Variants in UBAC2 observed in about 807,000 individuals in gnomAD.
UBAC2 encodes the protein UBA domain containing 2.
Under a neutral mutation model 44.0 loss-of-function variants are expected in UBAC2, and 26 were observed. The ratio of observed to expected loss-of-function variants is 0.59; its 90% confidence interval spans 0.43 to 0.82. The LOEUF (loss-of-function observed/expected upper bound fraction) is 0.82, where lower values mean the gene tolerates loss of function less well. UBAC2 is among the 40% of genes least tolerant of loss of function. UBAC2 has a pLI of 0.00. For missense variants in UBAC2, 329 were observed against 419.4 expected, an observed-to-expected ratio of 0.78 and a Z score of 1.88; for synonymous variants, 155 against 154.3, an observed-to-expected ratio of 1.00 and a Z score of -0.04.
chr13:99,305,769 GGTTTTATGTCCAAAAA>G lies in UBAC2; in HGVS notation c.390-8325_390-8310del, dbSNP rs1043105638. 5.4e-4 allele frequency among the ~76,000 whole-genome samples: 82 copies of G among 152,236 alleles called. 1 individual carries two copies. The highest frequency in any genetic ancestry group is 1.9e-3 in the African/African-American group (80 of 41,542). ...TTTTGTGGAGTAGCATATTCTTTGTGGTTTTATGTCCAAAAAGTGCAGTGAACCCGCAGAGAGAAAA... is the reference window on the plus strand; with the variant it reads ...TTTTGTGGAGTAGCATATTCTTTGTGGTGCAGTGAACCCGCAGAGAGAAAA... On this transcript the variant is annotated intron_variant, in intron 4 of 8. Transcript: ENST00000403766.
intron 4 of UBAC2, among the ~76,000 whole-genome samples, chr13:99,287,769 G>A (rs1394711047): frequency 6.6e-6 from 1 of 151,100 alleles, no homozygotes; most frequent in Non-Finnish European, 1.5e-5. Context: ...ATAGGCGTGA[G>A]CCACCACGTG....
chr13:99,321,597 C>T (rs1489492787), intron 6 of UBAC2, among the ~76,000 whole-genome samples: 1 of 152,208 alleles, frequency 6.6e-6, no homozygotes, highest in East Asian at 1.9e-4. Flanking sequence ...GCCACCGTGT[C>T]TGGCCTAGGC....
intron 4 of UBAC2, among the ~76,000 whole-genome samples, chr13:99,287,944 T>C (rs1198922281): frequency 1.3e-5 from 2 of 152,208 alleles, no homozygotes; most frequent in Non-Finnish European, 2.9e-5. Context: ...TGCTAAAACA[T>C]ACTGTTTGCA....
intron 5 of UBAC2, among the ~76,000 whole-genome samples, chr13:99,316,339 T>C (rs1177346378): frequency 6.6e-6 from 1 of 152,044 alleles, no homozygotes; most frequent in Non-Finnish European, 1.5e-5. Context: ...CTCCCTCCCC[T>C]CCAAGCCTTT....
chr13:99,338,032 T>TTTTTTC (rs2044817238), intron 6 of UBAC2, among the ~76,000 whole-genome samples: 2 of 42,310 alleles, frequency 4.7e-5, no homozygotes, highest in African/African-American at 1.3e-4. Flanking sequence ...ATCTCCTAAC[T>TTTTTTC]TTTTTTCTTT....
intron 4 of UBAC2, among the ~76,000 whole-genome samples, chr13:99,269,537 G>T (rs115904729): frequency 0.011 from 1,747 of 152,164 alleles, 41 homozygotes; most frequent in African/African-American, 0.04. Context: ...TTTAAATTTT[G>T]AAGTACGTAC....
intron 4 of UBAC2, among the ~76,000 whole-genome samples, chr13:99,280,830 C>T (rs905024482): frequency 5.5e-5 from 6 of 109,006 alleles, no homozygotes; most frequent in African/African-American, 1.7e-4. Context: ...TTCTTCTTTC[C>T]CTCTCTCTCT....
In UBAC2 at chr13:99,276,160, G is replaced by A. The variant is rs905500138; in HGVS notation, c.389+31536G>A. Among the ~76,000 whole-genome samples, 8 of 152,290 alleles carry A rather than the reference G, an allele frequency of 5.3e-5. No homozygotes were observed. In the South Asian group the frequency reaches 1.2e-3, roughly 24 times the overall value. ...CCAAGATGGGGAGAGGCAGTGAGGG[G>A]TGTTTTCCAACGCTAACAAGTAGTA... On this transcript the variant is annotated intron_variant, in intron 4 of 8. Transcript: ENST00000403766.
At chr13:99,370,568 A>G (rs1033345856) in intron 8 of UBAC2, among the ~76,000 whole-genome samples, 2 of 152,110 alleles carry the variant, frequency 1.3e-5, no homozygotes, top group African/African-American at 4.8e-5. Flanking sequence ...TCGCCTCCCC[A>G]TTCCCTGTCC....
rs3839999 is a variant in UBAC2 at position 99,385,548 on chromosome 13, AT to A, written c.*219del. 92,713 of 511,296 alleles carry A rather than the reference AT, an allele frequency of 0.18. 9,433 individuals are homozygous for A. The highest frequency in any genetic ancestry group is 0.22 in the Middle Eastern group (425 of 1,914). 31.7% of individuals were successfully genotyped at this position (511,296 alleles called of 1,614,324 possible). The stretch of plus-strand genomic sequence containing the variant: ...ACATTAGCATGTATTTTCTATCTAT[AT>A]TTTTTATTGGGCATTTTCCCTAGGT... On this transcript the variant is annotated 3_prime_UTR_variant, in exon 9 of 9. Coordinates refer to ENST00000403766, the MANE Select transcript of UBAC2 (RefSeq NM_001144072.2).
At chr13:99,207,567 G>A (rs1231083053) in intron 1 of UBAC2, among the ~76,000 whole-genome samples, 1 of 152,152 alleles carries the variant, frequency 6.6e-6, no homozygotes, top group Non-Finnish European at 1.5e-5. Context: ...GCTCATTGTG[G>A]CCTGCTTCCG....
Position 99,295,369 on chromosome 13 carries a change from A to G in UBAC2, c.390-18728A>G, listed in dbSNP as rs2044154072. On this transcript the variant is annotated intron_variant, in intron 4 of 8. Coordinates refer to ENST00000403766, the MANE Select transcript of UBAC2 (RefSeq NM_001144072.2). The surrounding 1 kb of genome is among the most constrained non-coding windows in gnomAD (Gnocchi z 4.1). The stretch of plus-strand genomic sequence containing the variant: ...TATGTTGAATAATTGCAACATGGTA[A>G]GGTGTGAAACAGAGAACAAACACAA... The G allele has an allele frequency of 1.9e-6, 3 of 1,614,066 alleles. No individual in the cohort carries two copies. Among genetic ancestry groups the G allele is most frequent in the Non-Finnish European group, 2.5e-6 (3 of 1,179,942 alleles).
chr13:99,224,902 C>T lies in UBAC2; in HGVS notation c.32-13525C>T, dbSNP rs182179481. Reference sequence around the variant, plus strand: ...TGAGTTGATGAGCGAATCTTGTTGTCTATAATGATACTATATACTTATCCT... The same window carrying T: ...TGAGTTGATGAGCGAATCTTGTTGTTTATAATGATACTATATACTTATCCT... On this transcript the variant is annotated intron_variant, in intron 1 of 8. Coordinates refer to ENST00000403766, the MANE Select transcript of UBAC2 (RefSeq NM_001144072.2). 7.2e-5 allele frequency among the ~76,000 whole-genome samples: 11 copies of T among 152,206 alleles called. No homozygotes were observed. The East Asian group carries it at 1.9e-3, about 27-fold the overall frequency.
chr13:99,265,516 TG>T (rs1288204856), intron 4 of UBAC2, among the ~76,000 whole-genome samples: 1 of 152,254 alleles, frequency 6.6e-6, no homozygotes, highest in Non-Finnish European at 1.5e-5. Flanking sequence ...AACTGGAGTT[TG>T]AAGTATCTGT....
At chr13:99,330,933 AG>A (rs1396551720) in intron 6 of UBAC2, among the ~76,000 whole-genome samples, 2 of 152,242 alleles carry the variant, frequency 1.3e-5, no homozygotes, top group East Asian at 1.9e-4. Flanking sequence ...CTTTTAAAGG[AG>A]GATGGTCCGC....
chr13:99,285,550 G>A (rs942296303), intron 4 of UBAC2, among the ~76,000 whole-genome samples: 4 of 151,920 alleles, frequency 2.6e-5, no homozygotes, highest in African/African-American at 9.7e-5. Context: ...GTGCCACCAC[G>A]CCCAGCTAAT....
In UBAC2 at chr13:99,304,189, C is replaced by CA. The variant is rs2044297217; in HGVS notation, c.390-9904dup. 5.9e-5 allele frequency among the ~76,000 whole-genome samples: 9 copies of CA among 152,290 alleles called. No individual in the cohort carries two copies. The South Asian group carries it at 1.7e-3, about 28-fold the overall frequency. ...TGATCGTGGCCTGGCTCCAGGCATG[C>CA]AAAATTACTTAGAACCTTTGGATAT... On this transcript the variant is annotated intron_variant, in intron 4 of 8. Coordinates refer to ENST00000403766, the MANE Select transcript of UBAC2 (RefSeq NM_001144072.2).
chr13:99,302,496 T>G (rs1457728296), intron 4 of UBAC2, among the ~76,000 whole-genome samples: 1 of 152,230 alleles, frequency 6.6e-6, no homozygotes, highest in African/African-American at 2.4e-5. Context: ...TTACCTGGTT[T>G]GATAAGTATT....
chr13:99,316,522 T>C (rs2044493081), intron 5 of UBAC2, among the ~76,000 whole-genome samples: 1 of 152,090 alleles, frequency 6.6e-6, no homozygotes, highest in South Asian at 2.1e-4. Flanking sequence ...CATAACATCA[T>C]GCCCTGTGCA....
Sources: gnomAD v4.1 joint callset for allele counts (sites outside exome capture counted in the v4.1 genomes callset) on GRCh38, gnomAD v4.1.1 for gene constraint, Gnocchi (gnomAD v3.1) non-coding constraint, MANE v1.5 for transcripts, NCBI Gene and HGNC (gene_info 2026-07-23, HGNC 2026-07-21) for gene names.